The following PKHD1 variants were observed in gnomAD, a reference collection of about 807,000 sequenced individuals.
PKHD1 encodes the protein fibrocystin.
Under a neutral mutation model 412.0 loss-of-function variants are expected in PKHD1, and 291 were observed. The observed-to-expected ratio is 0.71, with a 90% CI of 0.64 to 0.78. PKHD1 has a LOEUF of 0.78. PKHD1 is among the 30% of genes least tolerant of loss of function. PKHD1 has a pLI of 0.00. For missense variants in PKHD1, 4,825 were observed against 4,950.7 expected (o/e 0.97, Z 0.76); for synonymous variants, 1,777 against 1,821.5 (o/e 0.98, Z 0.62).
intron 43 of PKHD1, among the ~76,000 whole-genome samples, chr6:51,897,377 G>T (rs1396516247): frequency 1.3e-5 from 2 of 152,088 alleles, no homozygotes; most frequent in Admixed American, 6.6e-5. Flanking sequence ...TTAAAGAAAA[G>T]AATTTTCAAC....
intron 60 of PKHD1, among the ~76,000 whole-genome samples, chr6:51,680,457 A>G (rs998797965): frequency 6.6e-6 from 1 of 152,090 alleles, no homozygotes; most frequent in Non-Finnish European, 1.5e-5. Flanking sequence ...CATATTGCAC[A>G]GAAGTATCAC....
chr6:51,843,990 A>G (rs902043361), intron 50 of PKHD1, among the ~76,000 whole-genome samples: 1 of 152,254 alleles, frequency 6.6e-6, no homozygotes, highest in Non-Finnish European at 1.5e-5. Flanking sequence ...ACAAAAATCT[A>G]GTAAAAGAAA....
intron 4 of PKHD1, among the ~76,000 whole-genome samples, chr6:52,081,387 G>A (rs913895792): frequency 7.2e-5 from 11 of 152,122 alleles, no homozygotes; most frequent in Non-Finnish European, 1.2e-4. Flanking sequence ...AAGATATTGC[G>A]CAATGCATCA....
At chr6:51,992,052 G>A (rs1280750678) in intron 35 of PKHD1, among the ~76,000 whole-genome samples, 2 of 152,192 alleles carry the variant, frequency 1.3e-5, no homozygotes, top group Non-Finnish European at 2.9e-5. Context: ...CCACTTTCCA[G>A]CTGTGGGTCC....
At chr6:52,037,224 A>C (rs574133627) in intron 27 of PKHD1, among the ~76,000 whole-genome samples, 1 of 152,248 alleles carries the variant, frequency 6.6e-6, no homozygotes, top group Non-Finnish European at 1.5e-5. Flanking sequence ...CACCAAAATA[A>C]ATTCCCAATT....
rs1269975807 is a variant in PKHD1, at chr6:51,978,743, C to A, written c.5752-18717G>T. On this transcript the variant is annotated intron_variant, in intron 35 of 66. Transcript: ENST00000371117. ...ACAAACACTGTAAGTCCCAGGCATA[C>A]GTCCTCTTCTTCCTCATCTGCACAT... Among the ~76,000 whole-genome samples the A allele has an allele frequency of 1.3e-5, 2 of 152,184 alleles. 1 individual carries two copies. The highest frequency in any genetic ancestry group is 4.1e-4 in the South Asian group (2 of 4,830).
chr6:51,910,488 A>G (rs1223020249), intron 39 of PKHD1, among the ~76,000 whole-genome samples: 1 of 152,122 alleles, frequency 6.6e-6, no homozygotes, highest in African/African-American at 2.4e-5. Context: ...GTGTTATTAA[A>G]TTCAGCTACC....
chr6:52,012,893 C>A (rs1443798222), intron 34 of PKHD1, among the ~76,000 whole-genome samples: 12 of 152,210 alleles, frequency 7.9e-5, no homozygotes, highest in African/African-American at 2.9e-4. Flanking sequence ...TGAAGGCTCA[C>A]AAACTATCTG....
chr6:51,747,092 G>C (rs567103480), intron 58 of PKHD1, among the ~76,000 whole-genome samples: 34 of 152,248 alleles, frequency 2.2e-4, no homozygotes, highest in African/African-American at 7.9e-4. Flanking sequence ...CAACAGAGAA[G>C]AGTATTTCAA....
chr6:51,744,555 T>C lies in PKHD1; in HGVS notation c.9999-13A>G, dbSNP rs2150963083. Reference sequence around the variant, plus strand: ...TCCTAAATCTTTCCTGTGAAGACAGTCAAAAAGCAACTCTTTCATTTCATG... The same window carrying C: ...TCCTAAATCTTTCCTGTGAAGACAGCCAAAAAGCAACTCTTTCATTTCATG... On this transcript the variant is annotated splice_polypyrimidine_tract_variant and intron_variant, in intron 59 of 66. Coordinates refer to ENST00000371117, the MANE Select transcript of PKHD1 (RefSeq NM_138694.4). The C allele has an allele frequency of 6.2e-7, 1 of 1,606,250 alleles. No individual in the cohort carries two copies. The highest frequency in any genetic ancestry group is 8.5e-7 in the Non-Finnish European group (1 of 1,173,040).
intron 48 of PKHD1, among the ~76,000 whole-genome samples, chr6:51,865,168 G>A (rs376149253): frequency 9.2e-5 from 14 of 152,184 alleles, no homozygotes; most frequent in African/African-American, 2.6e-4. Flanking sequence ...GAATACCTGC[G>A]GCTTCTACAG....
At chr6:51,644,600 G>A (rs553041825) in intron 63 of PKHD1, among the ~76,000 whole-genome samples, 2 of 152,288 alleles carry the variant, frequency 1.3e-5, no homozygotes, top group African/African-American at 2.4e-5. Flanking sequence ...TCATTTCTAA[G>A]CCTGAAAAAA....
At chr6:51,653,378 CTAG>C (rs1309665937) in intron 61 of PKHD1, among the ~76,000 whole-genome samples, 1 of 152,032 alleles carries the variant, frequency 6.6e-6, no homozygotes, top group Non-Finnish European at 1.5e-5. Flanking sequence ...GCACTGTGGT[CTAG>C]TAGTTCCAAG....
chr6:51,762,254 CA>C (rs1473609349), intron 55 of PKHD1, among the ~76,000 whole-genome samples: 2 of 152,132 alleles, frequency 1.3e-5, no homozygotes, highest in Non-Finnish European at 2.9e-5. Context: ...TTCCAATGGC[CA>C]AGATAAAACC....
rs145157633 is a variant in PKHD1 at position 51,727,737 on chromosome 6, C to T, written c.10156+16648G>A. On this transcript the variant is annotated intron_variant, in intron 60 of 66. Coordinates refer to ENST00000371117, the MANE Select transcript of PKHD1 (RefSeq NM_138694.4). ...ACTCTGCCATTTTTGTCTCTTAGTG[C>T]ATATGCCCAGGAAGTTGCTTCTTCC... Among the ~76,000 whole-genome samples, 961 of 152,266 alleles carry T rather than the reference C, an allele frequency of 6.3e-3. 11 individuals are homozygous for T. The highest frequency in any genetic ancestry group is 0.034 in the Middle Eastern group (10 of 294).
chr6:52,049,727 ACATTT>A (rs1344617351), intron 22 of PKHD1, among the ~76,000 whole-genome samples: 1 of 152,202 alleles, frequency 6.6e-6, no homozygotes, highest in Non-Finnish European at 1.5e-5. Context: ...TCTTCTCTAG[ACATTT>A]CATTTCAAAG....
intron 52 of PKHD1, among the ~76,000 whole-genome samples, chr6:51,797,364 G>A (rs9370058): frequency 1.3e-5 from 2 of 151,866 alleles, no homozygotes; most frequent in Non-Finnish European, 2.9e-5. Flanking sequence ...TGTTAATTTT[G>A]TGTCTAAATT....
intron 60 of PKHD1, among the ~76,000 whole-genome samples, chr6:51,668,645 C>A (rs1189402290): frequency 5.9e-5 from 9 of 151,584 alleles, no homozygotes; most frequent in South Asian, 2.1e-4. Context: ...GGAATGCTTC[C>A]AATTTTTGCC....
chr6:51,907,716 A>C (rs1415169304), intron 40 of PKHD1, among the ~76,000 whole-genome samples: 1 of 152,148 alleles, frequency 6.6e-6, no homozygotes, highest in African/African-American at 2.4e-5. Context: ...AGCTGGGAGT[A>C]ATTAGCTGCG....
Sources: allele counts gnomAD v4.1 joint callset (sites outside exome capture counted in the v4.1 genomes callset), GRCh38; gene constraint gnomAD v4.1.1; transcripts MANE v1.5; gene names NCBI Gene and HGNC (gene_info 2026-07-23, HGNC 2026-07-21).